The following HSF2BP variants were observed in gnomAD, a reference collection of about 807,000 sequenced individuals.
The protein encoded by HSF2BP is heat shock transcription factor 2 binding protein.
In HSF2BP, 35 loss-of-function variants were observed where a neutral mutation model predicts 35.0. That is an observed-to-expected ratio of 1.00 (90% CI 0.76 to 1.32). The LOEUF (loss-of-function observed/expected upper bound fraction) is 1.32, where lower values mean the gene tolerates loss of function less well. HSF2BP is among the 40% of genes most tolerant of loss of function. The probability of loss-of-function intolerance (pLI) is 0.00; values close to 1 mark genes in which losing one functional copy is unlikely to be tolerated. For synonymous variants in HSF2BP, 114 were observed against 117.4 expected (o/e 0.97, Z 0.18); for missense variants, 326 against 321.7 (o/e 1.01, Z -0.10).
intron 5 of HSF2BP, among the ~76,000 whole-genome samples, chr21:43,631,573 G>C (rs2147002263): frequency 6.6e-6 from 1 of 152,180 alleles, no homozygotes; most frequent in African/African-American, 2.4e-5. Context: ...CTAAAATTCT[G>C]CTCTTATCCT....
intron 8 of HSF2BP, among the ~76,000 whole-genome samples, chr21:43,588,335 A>C (rs1450672080): frequency 6.6e-6 from 1 of 152,124 alleles, no homozygotes; most frequent in Non-Finnish European, 1.5e-5. Context: ...CCAAGATTGC[A>C]TCACTGCACT....
chr21:43,626,930 C>T (rs528955619), intron 6 of HSF2BP, among the ~76,000 whole-genome samples: 3 of 151,698 alleles, frequency 2.0e-5, no homozygotes, highest in South Asian at 4.2e-4. Flanking sequence ...TGTAGTGGCA[C>T]GATCTCAGCT....
chr21:43,574,834 T>C (rs2081621603), intron 8 of HSF2BP, among the ~76,000 whole-genome samples: 1 of 150,880 alleles, frequency 6.6e-6, no homozygotes, highest in African/African-American at 2.5e-5. Context: ...TCAGCCTCCT[T>C]GGGACGGGGG....
chr21:43,625,522 T>C (rs2082379396), intron 6 of HSF2BP, among the ~76,000 whole-genome samples: 1 of 152,028 alleles, frequency 6.6e-6, no homozygotes, highest in South Asian at 2.1e-4. Context: ...ACTGTATACT[T>C]TTGTAGAAAT....
At chr21:43,625,471 G>A (rs2082378622) in intron 6 of HSF2BP, among the ~76,000 whole-genome samples, 1 of 152,120 alleles carries the variant, frequency 6.6e-6, no homozygotes, top group Non-Finnish European at 1.5e-5. Context: ...GAAGTCTGGG[G>A]GAAGGAATTA....
At chr21:43,590,522 T>C (rs1246297729) in intron 8 of HSF2BP, among the ~76,000 whole-genome samples, 1 of 152,202 alleles carries the variant, frequency 6.6e-6, no homozygotes, top group East Asian at 1.9e-4. Context: ...CAAAGACTTG[T>C]ACAAGAATGC....
At chr21:43,594,938 G>A (rs2081967366) in intron 7 of HSF2BP, among the ~76,000 whole-genome samples, 1 of 152,190 alleles carries the variant, frequency 6.6e-6, no homozygotes, top group Admixed American at 6.5e-5. Flanking sequence ...ACCATGGACT[G>A]TTTCAAAGAA....
intron 7 of HSF2BP, among the ~76,000 whole-genome samples, chr21:43,596,536 T>G (rs1347593824): frequency 2.0e-5 from 3 of 151,890 alleles, no homozygotes; most frequent in Non-Finnish European, 4.4e-5. Context: ...TTAAGGGGAA[T>G]GGAAAGCAGC....
chr21:43,645,702 G>A (rs1049212070), intron 3 of HSF2BP, among the ~76,000 whole-genome samples: 4 of 152,146 alleles, frequency 2.6e-5, no homozygotes, highest in African/African-American at 9.7e-5. Flanking sequence ...CTGGAAAACG[G>A]AACATTACTC....
At chr21:43,620,747 TCATCAC>T (rs1237455265) in intron 6 of HSF2BP, among the ~76,000 whole-genome samples, 46 of 152,098 alleles carry the variant, frequency 3.0e-4, no homozygotes, top group Admixed American at 3.0e-3. Flanking sequence ...ATCACCATCA[TCATCAC>T]CATCAAACAG....
intron 7 of HSF2BP, among the ~76,000 whole-genome samples, chr21:43,596,829 G>A (rs919327719): frequency 6.7e-6 from 1 of 150,072 alleles, no homozygotes; most frequent in Non-Finnish European, 1.5e-5. Context: ...AGGCTGCAGG[G>A]TTGTGACGGT....
chr21:43,577,692 T>C (rs2146686689), intron 8 of HSF2BP, among the ~76,000 whole-genome samples: 2 of 152,312 alleles, frequency 1.3e-5, no homozygotes, highest in Middle Eastern at 3.4e-3. Context: ...ATATCCCCTG[T>C]GACCTGCACG....
At chr21:43,643,872 G>A (rs981762623) in intron 4 of HSF2BP, among the ~76,000 whole-genome samples, 5 of 151,646 alleles carry the variant, frequency 3.3e-5, no homozygotes, top group Non-Finnish European at 7.4e-5. Context: ...GGGGAATGGC[G>A]TGAACCCAGG....
intron 4 of HSF2BP, among the ~76,000 whole-genome samples, chr21:43,643,637 G>C (rs754506650): frequency 1.2e-4 from 18 of 152,104 alleles, no homozygotes; most frequent in Non-Finnish European, 2.4e-4. Context: ...CCAAAATCTT[G>C]ACATAAATAA....
intron 7 of HSF2BP, among the ~76,000 whole-genome samples, chr21:43,600,268 C>T (rs902072369): frequency 5.3e-5 from 8 of 152,078 alleles, no homozygotes; most frequent in Non-Finnish European, 7.4e-5. Flanking sequence ...TTGCAACCTA[C>T]GAGTAACAGA....
chr21:43,612,583 G>A (rs1311796404), intron 7 of HSF2BP, among the ~76,000 whole-genome samples: 5 of 148,674 alleles, frequency 3.4e-5, no homozygotes, highest in South Asian at 4.2e-4. Context: ...CCCGGGAGGC[G>A]GAGCTTGCAG....
chr21:43,593,205 G>C (rs903779639), intron 7 of HSF2BP, among the ~76,000 whole-genome samples: 1 of 152,124 alleles, frequency 6.6e-6, no homozygotes, highest in African/African-American at 2.4e-5. Flanking sequence ...GAGAGACACG[G>C]ACATTCATTT....
At chr21:43,593,013 AT>A (rs1180052337) in intron 7 of HSF2BP, among the ~76,000 whole-genome samples, 3 of 152,190 alleles carry the variant, frequency 2.0e-5, no homozygotes, top group Non-Finnish European at 2.9e-5. Flanking sequence ...CTAGACAAAT[AT>A]TTTTTGCAAA....
rs149692412 is a variant in HSF2BP at position 43,637,792 on chromosome 21, G to A, written c.292-4371C>T. 3.0e-4 allele frequency among the ~76,000 whole-genome samples: 44 copies of A among 144,704 alleles called. No individual in the cohort carries two copies. The East Asian group carries it at 8.8e-3, about 29-fold the overall frequency. The allele number at this position is 144,704 out of a possible 152,430, so 94.9% of individuals were successfully genotyped here. On this transcript the variant is annotated intron_variant, in intron 4 of 8. Coordinates refer to ENST00000291560, the MANE Select transcript of HSF2BP (RefSeq NM_007031.2). ...TGCACTCCAGCCTGGGCTACAGAGT[G>A]AGGCCCTGTCTCTGGAAAAAAAAAA...
Sources: allele counts gnomAD v4.1 joint callset (sites outside exome capture counted in the v4.1 genomes callset), GRCh38; gene constraint gnomAD v4.1.1; transcripts MANE v1.5; gene names NCBI Gene and HGNC (gene_info 2026-07-23, HGNC 2026-07-21).